The following MEGF10 variants were observed in gnomAD, a reference collection of about 807,000 sequenced individuals.
MEGF10 encodes multiple epidermal growth factor-like domains protein 10.
Under a neutral mutation model 147.5 loss-of-function variants are expected in MEGF10, and 86 were observed. The observed-to-expected ratio is 0.58, with a 90% CI of 0.49 to 0.70. MEGF10 has a LOEUF of 0.70. MEGF10 is among the 30% of genes least tolerant of loss of function. The probability of loss-of-function intolerance (pLI) is 0.00; values close to 1 mark genes in which losing one functional copy is unlikely to be tolerated. For synonymous variants in MEGF10, 478 were observed against 525.5 expected (o/e 0.91, Z 1.24); for missense variants, 1,329 against 1,487.3 (o/e 0.89, Z 1.75).
the MEGF10 span, among the ~76,000 whole-genome samples, chr5:127,260,925 C>G: frequency 2.0e-5 from 3 of 152,084 alleles, no homozygotes; most frequent in African/African-American, 7.2e-5. Context: ...CTCATTTGTT[C>G]CTGTAGTTCC....
At chr5:127,380,622 A>G (rs1467491969) in intron 5 of MEGF10, among the ~76,000 whole-genome samples, 3 of 151,300 alleles carry the variant, frequency 2.0e-5, no homozygotes, top group African/African-American at 7.3e-5. Context: ...GGTTCAAACG[A>G]TTCTCCTGCC....
At chr5:127,364,295 ACAAC>A (rs1440231371) in intron 4 of MEGF10, among the ~76,000 whole-genome samples, 1 of 152,198 alleles carries the variant, frequency 6.6e-6, no homozygotes, top group Non-Finnish European at 1.5e-5. Context: ...ACAGCCCTAG[ACAAC>A]CAACTAATAT....
chr5:127,438,314 T>A, intron 16 of MEGF10, 125 bp from the exon 17 acceptor site: 1 of 1,074,478 alleles, frequency 9.3e-7, no homozygotes, highest in South Asian at 1.6e-5. Context: ...GCAGTGTGCT[T>A]TCTTAGTCCT....
At chr5:127,328,686 A>G (rs1761137252) in intron 1 of MEGF10, among the ~76,000 whole-genome samples, 1 of 152,022 alleles carries the variant, frequency 6.6e-6, no homozygotes, top group Admixed American at 6.5e-5. Flanking sequence ...TAATTGGTAA[A>G]TGGATGGTTT....
rs1178355169 is a variant in MEGF10 at position 127,449,047 on chromosome 5, T to C, written c.2857-52T>C. 2.5e-6 allele frequency: 4 copies of C among 1,606,188 alleles called. No individual in the cohort carries two copies. In the African/African-American group the frequency reaches 4.0e-5, roughly 16 times the overall value. On this transcript the variant is annotated intron_variant, in intron 21 of 24. Coordinates refer to ENST00000503335, the MANE Select transcript of MEGF10 (RefSeq NM_001256545.2). The stretch of plus-strand genomic sequence containing the variant: ...TTTCCCCAGGTCCATAACGCTGTGC[T>C]GTGCCGCATTGTATTTTGTTTTTAA...
At chr5:127,310,093 AG>A (rs1392854005) in intron 1 of MEGF10, among the ~76,000 whole-genome samples, 2 of 140,160 alleles carry the variant, frequency 1.4e-5, no homozygotes, top group East Asian at 4.2e-4. Context: ...TTTGTTTCGG[AG>A]GGGGTGATAA....
chr5:127,282,260 C>T, the MEGF10 span, among the ~76,000 whole-genome samples: 2 of 152,148 alleles, frequency 1.3e-5, no homozygotes, highest in Admixed American at 6.5e-5. Context: ...GTTGATGACT[C>T]CCACATGGCA....
At chr5:127,446,824 C>G (rs2127027394) in intron 20 of MEGF10, among the ~76,000 whole-genome samples, 1 of 152,232 alleles carries the variant, frequency 6.6e-6, no homozygotes, top group African/African-American at 2.4e-5. Context: ...AAGCTAAGCC[C>G]TGATTAGCTA....
At chr5:127,391,248 G>A (rs1346979893) in intron 5 of MEGF10, among the ~76,000 whole-genome samples, 1 of 151,950 alleles carries the variant, frequency 6.6e-6, no homozygotes, top group Non-Finnish European at 1.5e-5. Flanking sequence ...TAATAAGGAT[G>A]TGGTAATTTA....
chr5:127,249,343 G>C, the MEGF10 span, among the ~76,000 whole-genome samples: 68 of 149,122 alleles, frequency 4.6e-4, no homozygotes, highest in Admixed American at 1.8e-3. Context: ...CATACACACA[G>C]AGAGAGAGAG....
intron 2 of MEGF10, among the ~76,000 whole-genome samples, chr5:127,336,815 T>A (rs901544933): frequency 6.6e-6 from 1 of 152,122 alleles, no homozygotes; most frequent in African/African-American, 2.4e-5. Context: ...GAGTGGCTTC[T>A]TTTTTGTTCT....
At chr5:127,446,104 C>A (rs532327251) in intron 20 of MEGF10, among the ~76,000 whole-genome samples, 2 of 152,150 alleles carry the variant, frequency 1.3e-5, no homozygotes, top group Non-Finnish European at 2.9e-5. Flanking sequence ...GCTTCCCAGC[C>A]TCTCCCTAGG....
intron 7 of MEGF10, among the ~76,000 whole-genome samples, chr5:127,402,285 A>G (rs1022631415): frequency 6.6e-6 from 1 of 152,220 alleles, no homozygotes; most frequent in African/African-American, 2.4e-5. Flanking sequence ...AGTTTTTAAT[A>G]TGGATTTTGC....
At chr5:127,291,360 T>A (rs1759247944) in intron 1 of MEGF10, among the ~76,000 whole-genome samples, 1 of 152,224 alleles carries the variant, frequency 6.6e-6, no homozygotes, top group South Asian at 2.1e-4. Context: ...TGTGTTTGTT[T>A]CATTTTGCCG....
At chr5:127,322,739 A>T (rs531665332) in intron 1 of MEGF10, among the ~76,000 whole-genome samples, 1 of 152,332 alleles carries the variant, frequency 6.6e-6, no homozygotes, top group Admixed American at 6.5e-5. Flanking sequence ...AGCTGATGAA[A>T]TTTGAATTAG....
rs537542478 is a variant in MEGF10, at chr5:127,363,661, T to G, written c.320-6249T>G. 6.6e-5 allele frequency among the ~76,000 whole-genome samples: 10 copies of G among 152,336 alleles called. No homozygotes were observed. The East Asian group carries it at 1.9e-3, about 29-fold the overall frequency. ...TGAAGGTTAGACATTGGGTGTACAA[T>G]TGGCAATGTCTGCCAAAGATACTGC... is the stretch of plus-strand genomic sequence containing the variant. On this transcript the variant is annotated intron_variant, in intron 4 of 24. Transcript: ENST00000503335.
At chr5:127,274,063 T>A in the MEGF10 span, among the ~76,000 whole-genome samples, 1 of 152,166 alleles carries the variant, frequency 6.6e-6, no homozygotes, top group Non-Finnish European at 1.5e-5. Flanking sequence ...CAATTCTTTT[T>A]TCAGAATGAA....
At chr5:127,409,835 T>C in intron 8 of MEGF10, 1 of 156,784 alleles carries the variant, frequency 6.4e-6, no homozygotes, top group Non-Finnish European at 1.4e-5. Flanking sequence ...AGGACTTGGC[T>C]TATTAGTTAA....
intron 20 of MEGF10, 73 bp downstream of exon 20, chr5:127,445,766 T>C (rs1452622191): frequency 1.9e-6 from 2 of 1,050,660 alleles, no homozygotes; most frequent in Non-Finnish European, 3.0e-6. Flanking sequence ...TAAAACTGGG[T>C]GTTTGGCTGT....
Sources: allele counts gnomAD v4.1 joint callset (sites outside exome capture counted in the v4.1 genomes callset), GRCh38; gene constraint gnomAD v4.1.1; transcripts MANE v1.5; gene names NCBI Gene and HGNC (gene_info 2026-07-23, HGNC 2026-07-21).